Variants in GPLD1 observed in about 807,000 individuals in gnomAD.
The protein encoded by GPLD1 is phosphatidylinositol-glycan-specific phospholipase D.
Under a neutral mutation model 112.6 loss-of-function variants are expected in GPLD1, and 84 were observed. That is an observed-to-expected ratio of 0.75 (90% confidence interval 0.63 to 0.89). GPLD1 has a LOEUF of 0.89. GPLD1 is among the 40% of genes least tolerant of loss of function. The probability of loss-of-function intolerance (pLI) is 0.00; values close to 1 mark genes in which losing one functional copy is unlikely to be tolerated. For missense variants in GPLD1, 1,044 were observed against 1,051.5 expected (o/e 0.99, Z 0.10); for synonymous variants, 386 against 403.8 (o/e 0.96, Z 0.53).
chr6:24,473,736 A>G (rs1445758399), intron 5 of GPLD1, 69 bp from the exon 6 acceptor site: 3 of 1,020,226 alleles, frequency 2.9e-6, no homozygotes, highest in Non-Finnish European at 4.5e-6. Flanking sequence ...TCCACAGTCA[A>G]GCAAGTGGTG....
intron 2 of GPLD1, among the ~76,000 whole-genome samples, chr6:24,482,446 A>G (rs1347610959): frequency 1.3e-5 from 2 of 152,014 alleles, no homozygotes; most frequent in East Asian, 3.9e-4. Flanking sequence ...ACGCCCAGCT[A>G]ATTTTTGTAT....
At chr6:24,488,143 C>A (rs1022993807) in intron 1 of GPLD1, among the ~76,000 whole-genome samples, 1 of 152,110 alleles carries the variant, frequency 6.6e-6, no homozygotes, top group African/African-American at 2.4e-5. Context: ...CGCGATGGCT[C>A]ACGCCTGTAA....
At chr6:24,461,883 CTATTT>C (rs1373845832) in intron 11 of GPLD1, among the ~76,000 whole-genome samples, 3 of 152,006 alleles carry the variant, frequency 2.0e-5, no homozygotes, top group East Asian at 1.9e-4. Flanking sequence ...TTATTTTGTT[CTATTT>C]TATTAATAAA....
At chr6:24,434,075 G>A (rs963008980) in intron 22 of GPLD1, among the ~76,000 whole-genome samples, 11 of 152,000 alleles carry the variant, frequency 7.2e-5, no homozygotes, top group African/African-American at 2.7e-4. Flanking sequence ...ATAAGAAAAT[G>A]TTCTCGGTAT....
intron 1 of GPLD1, among the ~76,000 whole-genome samples, chr6:24,487,513 C>A (rs1353621237): frequency 7.4e-6 from 1 of 135,746 alleles, no homozygotes; most frequent in African/African-American, 2.7e-5. Context: ...ATTTCAGATG[C>A]AATCTGTCTT....
At chr6:24,471,155 A>T (rs1320739660) in intron 7 of GPLD1, among the ~76,000 whole-genome samples, 1 of 152,222 alleles carries the variant, frequency 6.6e-6, no homozygotes, top group African/African-American at 2.4e-5. Flanking sequence ...CCAAAAGGAC[A>T]TATCAGAAAG....
At chr6:24,451,221 A>T (rs1681416191) in intron 14 of GPLD1, among the ~76,000 whole-genome samples, 1 of 152,212 alleles carries the variant, frequency 6.6e-6, no homozygotes, top group Non-Finnish European at 1.5e-5. Context: ...TGGAAAACTC[A>T]ATCTCTTCAG....
chr6:24,473,897 G>A (rs996238529), intron 5 of GPLD1, among the ~76,000 whole-genome samples: 1 of 152,142 alleles, frequency 6.6e-6, no homozygotes, highest in Non-Finnish European at 1.5e-5. Context: ...GGTTGAGGCG[G>A]GTGGATCACC....
At chr6:24,434,213 C>T (rs567986516) in intron 22 of GPLD1, among the ~76,000 whole-genome samples, 2 of 152,022 alleles carry the variant, frequency 1.3e-5, no homozygotes, top group East Asian at 1.9e-4. Context: ...GCTTGGCCAA[C>T]GTGGTGAAAC....
intron 2 of GPLD1, among the ~76,000 whole-genome samples, chr6:24,484,968 T>C (rs771820068): frequency 1.8e-4 from 27 of 152,168 alleles, no homozygotes; most frequent in Admixed American, 3.3e-4. Flanking sequence ...TATGAAAGAA[T>C]TACACCTTCG....
At chr6:24,487,723 A>G (rs963771481) in intron 1 of GPLD1, among the ~76,000 whole-genome samples, 1 of 152,180 alleles carries the variant, frequency 6.6e-6, no homozygotes, top group Non-Finnish European at 1.5e-5. Context: ...AGAATCACAC[A>G]TCTACTTTAC....
intron 23 of GPLD1, 62 bp from the exon 24 acceptor site, chr6:24,433,299 A>C: frequency 1.3e-6 from 2 of 1,582,826 alleles, no homozygotes; most frequent in Admixed American, 1.7e-5. Flanking sequence ...TTATCCGTTT[A>C]AAATAAACCA....
intron 20 of GPLD1, among the ~76,000 whole-genome samples, chr6:24,445,244 C>T (rs1305722620): frequency 6.6e-6 from 1 of 152,028 alleles, no homozygotes; most frequent in East Asian, 1.9e-4. Flanking sequence ...CCAGGCTGGT[C>T]TCCAACTCCT....
rs1336249565 is a variant in GPLD1, at chr6:24,495,198, C to T, written n.8G>A. 3.3e-6 allele frequency: 5 copies of T among 1,505,552 alleles called. No individual in the cohort carries two copies. Among genetic ancestry groups the T allele is most frequent in the Non-Finnish European group, 4.4e-6 (5 of 1,135,024 alleles). The allele number at this position is 1,505,552 out of a possible 1,614,324, so 93.3% of individuals were successfully genotyped here. On this transcript the variant is annotated non_coding_transcript_exon_variant, in exon 1 of 11. Coordinates refer to the GPLD1 transcript ENST00000474784. ...GCGCACCGACAGCTTCGTGGGCGGC[C>T]GCTGGCTCCCGGCCGCCGCCACCTT... is the stretch of plus-strand genomic sequence containing the variant.
At chr6:24,450,584 T>G (rs1171949276) in intron 14 of GPLD1, among the ~76,000 whole-genome samples, 1 of 152,216 alleles carries the variant, frequency 6.6e-6, no homozygotes, top group Non-Finnish European at 1.5e-5. Context: ...TGTTGAATAC[T>G]CAGGATGTTC....
In GPLD1 at chr6:24,434,975, C is replaced by T. The variant is rs536068175; in HGVS notation, c.2359-1586G>A. On this transcript the variant is annotated intron_variant, in intron 22 of 24. Transcript: ENST00000230036. ...ATAAGCCACCACACTCAGCTGAGAT[C>T]TTTAATTTTTTTAATCTGTAAATGG... 2.0e-5 allele frequency among the ~76,000 whole-genome samples: 3 copies of T among 149,750 alleles called. No homozygotes were observed. The South Asian group carries it at 6.4e-4, about 32-fold the overall frequency.
chr6:24,441,077 C>A (rs555692987), intron 20 of GPLD1, among the ~76,000 whole-genome samples: 1 of 151,724 alleles, frequency 6.6e-6, no homozygotes, highest in Non-Finnish European at 1.5e-5. Flanking sequence ...CCGAGGCGGG[C>A]GGATCACCTG....
intron 10 of GPLD1, among the ~76,000 whole-genome samples, chr6:24,464,130 C>G (rs930606489): frequency 6.6e-6 from 1 of 152,174 alleles, no homozygotes; most frequent in African/African-American, 2.4e-5. Flanking sequence ...ATGAGTCCTT[C>G]CAATACAAAC....
At position 24,442,422 on chromosome 6, in the gene GPLD1, A is replaced by ATTTTTTTTT. The variant is rs71002496; in HGVS notation, c.2020+3115_2020+3123dup. Among the ~76,000 whole-genome samples the ATTTTTTTTT allele has an allele frequency of 3.3e-4, 20 of 60,638 alleles. 1 individual carries two copies. Among genetic ancestry groups the ATTTTTTTTT allele is most frequent in the East Asian group, 5.7e-4 (1 of 1,744 alleles). 39.8% of individuals were successfully genotyped at this position (60,638 alleles called of 152,430 possible). ...AGGTGCATGCCACCACATCTGGCTA[A>ATTTTTTTTT]TTTTTTTTTTTTTTTTTTTTTTTTT... On this transcript the variant is annotated intron_variant, in intron 20 of 24. Transcript: ENST00000230036.
Sources: gnomAD v4.1 joint callset for allele counts (sites outside exome capture counted in the v4.1 genomes callset) on GRCh38, gnomAD v4.1.1 for gene constraint, MANE v1.5 for transcripts, NCBI Gene and HGNC (gene_info 2026-07-23, HGNC 2026-07-21) for gene names.